Variants in ARHGAP29 observed in about 807,000 individuals in gnomAD.
ARHGAP29 encodes the protein rho GTPase-activating protein 29.
Under a neutral mutation model 122.6 loss-of-function variants are expected in ARHGAP29, and 43 were observed. That is an observed-to-expected ratio of 0.35 (90% confidence interval 0.27 to 0.45). The LOEUF (loss-of-function observed/expected upper bound fraction) is 0.45, where lower values mean the gene tolerates loss of function less well. Among genes scored for constraint, ARHGAP29 ranks in the 20% least tolerant of loss-of-function variants. The pLI is 1.00. For missense variants in ARHGAP29, 1,303 were observed against 1,477.2 expected, an observed-to-expected ratio of 0.88 and a Z score of 1.93; for synonymous variants, 506 against 497.1, an observed-to-expected ratio of 1.02 and a Z score of -0.24.
Position 94,209,296 on chromosome 1 carries a change from A to G in ARHGAP29, c.395T>C (p.Val132Ala), listed in dbSNP as rs909039853. The change falls in exon 4 of 23, where the codon GTG becomes GCG. Residue 132 changes from valine (V) to alanine (A), a missense_variant. Physicochemically the swap from Val to Ala is moderately conservative, Grantham distance 64. Around this residue, in one of 3 missense-constraint regions of ARHGAP29, gnomAD observed 592 missense variants for 648.2 expected, o/e 0.91. Coordinates refer to ENST00000260526, the MANE Select transcript of ARHGAP29 (RefSeq NM_004815.4). ...TGCCAAAGTTTCAATAGAAGAAAAC[A>G]CTTCCTGGAAGAGATCGTTTTTGTT... ...EENKNDLFQE[V>A]FSSIETLAFT... 2.5e-6 allele frequency: 4 copies of G among 1,610,400 alleles called. No individual in the cohort carries two copies. The highest frequency in any genetic ancestry group is 1.3e-5 in the African/African-American group (1 of 74,736).
chr1:94,276,650 G>A (rs577485401), upstream of ARHGAP29, among the ~76,000 whole-genome samples: 6 of 151,618 alleles, frequency 4.0e-5, no homozygotes, highest in South Asian at 8.3e-4. Context: ...GCATGGTGGC[G>A]TGTGTCTGTA....
In ARHGAP29 at chr1:94,185,381, A is replaced by G. The variant is rs750938196; in HGVS notation, c.1881T>C (p.Cys627=). The G allele has an allele frequency of 1.8e-5, 29 of 1,611,756 alleles. No homozygotes were observed. Among genetic ancestry groups the G allele is most frequent in the South Asian group, 4.4e-5 (4 of 90,686 alleles). ...CACCTTGGAACACTACAATGCCTTC[A>G]CAATCCCTACATTTCGTGGGGGATC... ...KLRSPTKCRD[C]EGIVVFQGVE... The change falls in exon 17 of 23, where the codon TGT becomes TGC. Residue 627 remains cysteine, a synonymous_variant. Transcript: ENST00000260526.
chr1:94,190,390 T>C, intron 12 of ARHGAP29: 1 of 236,852 alleles, frequency 4.2e-6, no homozygotes, highest in Non-Finnish European at 8.2e-6. Context: ...GATGTGTTTC[T>C]GAGGATCCTC....
At chr1:94,239,462 G>A (rs1012331823), upstream of ARHGAP29, among the ~76,000 whole-genome samples, 3 of 152,006 alleles carry the variant, frequency 2.0e-5, no homozygotes, top group Non-Finnish European at 2.9e-5. Context: ...GATGGAGGTG[G>A]GGGTGTGACA....
At chr1:94,306,762 CAAAG>C in the ARHGAP29 span, among the ~76,000 whole-genome samples, 1 of 152,042 alleles carries the variant, frequency 6.6e-6, no homozygotes, top group African/African-American at 2.4e-5. Flanking sequence ...TGCTTAGTTC[CAAAG>C]AAAGAAAACG....
chr1:94,255,661 G>A (rs985582209), intron 1 of ARHGAP29, among the ~76,000 whole-genome samples: 1 of 152,194 alleles, frequency 6.6e-6, no homozygotes, highest in Non-Finnish European at 1.5e-5. Flanking sequence ...CCCAGGATAA[G>A]GCATCACATC....
the ARHGAP29 span, among the ~76,000 whole-genome samples, chr1:94,301,672 A>G: frequency 3.9e-5 from 6 of 152,178 alleles, no homozygotes; most frequent in Non-Finnish European, 7.3e-5. Flanking sequence ...TGTGTTACCC[A>G]GATAAGCTGT....
chr1:94,287,152 G>A, the ARHGAP29 span, among the ~76,000 whole-genome samples: 3 of 152,148 alleles, frequency 2.0e-5, no homozygotes, highest in African/African-American at 4.8e-5. Context: ...CAGAACTCAA[G>A]TAAACACTTT....
chr1:94,201,720 A>G lies in ARHGAP29; in HGVS notation c.1281T>C (p.Ala427=). The G allele has an allele frequency of 1.2e-6, 2 of 1,613,190 alleles. No homozygotes were observed. Among genetic ancestry groups the G allele is most frequent in the Non-Finnish European group, 1.7e-6 (2 of 1,179,790 alleles). The part of the protein sequence containing the change: ...LVFQCDLTLK[A]VTVNLFHMQH... ...TCAAAATACTGAAGAAATTACTTAC[A>G]GCTTTAAGGGTAAGATCACACTGGA... Residue 427 remains alanine (A), a splice_region_variant and synonymous_variant, in exon 12 of 23, where the codon GCT becomes GCC. Transcript: ENST00000260526.
chr1:94,288,176 A>G, the ARHGAP29 span, among the ~76,000 whole-genome samples: 956 of 152,312 alleles, frequency 6.3e-3, 12 homozygotes, highest in African/African-American at 0.022. Flanking sequence ...CTGACGTTTT[A>G]ATGATCGCAT....
chr1:94,210,878 G>C (rs1305960103), intron 3 of ARHGAP29, among the ~76,000 whole-genome samples: 1 of 145,618 alleles, frequency 6.9e-6, no homozygotes, highest in Non-Finnish European at 1.5e-5. Flanking sequence ...ACTCCAGCCT[G>C]ACAGAGCAAA....
intron 16 of ARHGAP29, among the ~76,000 whole-genome samples, chr1:94,185,727 A>G (rs1283043041): frequency 6.6e-6 from 1 of 152,184 alleles, no homozygotes; most frequent in Non-Finnish European, 1.5e-5. Flanking sequence ...GCTATGAATA[A>G]TAACATGACA....
At chr1:94,202,876 A>G (rs769514233) in intron 10 of ARHGAP29, 42 bp downstream of exon 10, 5 of 1,564,408 alleles carry the variant, frequency 3.2e-6, no homozygotes, top group Non-Finnish European at 4.3e-6. Context: ...ATTATTTTAA[A>G]TGTTCACAAA....
chr1:94,298,156 A>G, the ARHGAP29 span, among the ~76,000 whole-genome samples: 2 of 152,180 alleles, frequency 1.3e-5, no homozygotes, highest in African/African-American at 2.4e-5. Context: ...TCCTGAATAC[A>G]CTTTCATGGG....
At chr1:94,230,977 C>A (rs956997254) in intron 2 of ARHGAP29, among the ~76,000 whole-genome samples, 13 of 151,532 alleles carry the variant, frequency 8.6e-5, no homozygotes, top group Non-Finnish European at 1.8e-4. Flanking sequence ...AAAATGCAGT[C>A]ATTTTAGATA....
At position 94,169,591 on chromosome 1, in the gene ARHGAP29, AATAG is replaced by A. The variant is rs1357873623; in HGVS notation, c.*4274_*4277del. Among the ~76,000 whole-genome samples the A allele has an allele frequency of 5.3e-5, 8 of 152,158 alleles. No homozygotes were observed. Among genetic ancestry groups the A allele is most frequent in the African/African-American group, 1.4e-4 (6 of 41,390 alleles). ...AAAGTTTTCAATACGTATGTATATA[AATAG>A]ATATAGAAGTAGGTGACTATTCTTG... is the stretch of plus-strand genomic sequence containing the variant. On this transcript the variant is annotated 3_prime_UTR_variant, in exon 23 of 23. Coordinates refer to ENST00000260526, the MANE Select transcript of ARHGAP29 (RefSeq NM_004815.4).
At chr1:94,227,255 T>C (rs1652665064) in intron 2 of ARHGAP29, among the ~76,000 whole-genome samples, 3 of 151,898 alleles carry the variant, frequency 2.0e-5, no homozygotes, top group Admixed American at 6.6e-5. Context: ...CTATCACTTA[T>C]GAGGTCAGCA....
the ARHGAP29 span, among the ~76,000 whole-genome samples, chr1:94,312,396 A>T: frequency 6.9e-6 from 1 of 144,200 alleles, no homozygotes; most frequent in Non-Finnish European, 1.5e-5. Context: ...GGTTCAGAAC[A>T]AACTTAAGAA....
chr1:94,187,771 A>T (rs1388233270), intron 15 of ARHGAP29, among the ~76,000 whole-genome samples: 1 of 152,194 alleles, frequency 6.6e-6, no homozygotes, highest in Non-Finnish European at 1.5e-5. Context: ...GGAGCTACCT[A>T]GAACCAGTTT....
Sources: gnomAD v4.1 joint callset for allele counts (sites outside exome capture counted in the v4.1 genomes callset) on GRCh38, gnomAD v4.1.1 for gene constraint, gnomAD v4.1.1 regional missense constraint, MANE v1.5 for transcripts, NCBI Gene and HGNC (gene_info 2026-07-23, HGNC 2026-07-21) for gene names.